KIRREL3: variants seen among roughly 807,000 people sequenced by gnomAD.
KIRREL3 encodes the protein kin of IRRE-like protein 3.
KIRREL3 carries 36 observed loss-of-function variants against 89.7 expected under a neutral mutation model. The ratio of observed to expected loss-of-function variants is 0.40; its 90% CI spans 0.31 to 0.53. KIRREL3 has a LOEUF of 0.53. KIRREL3 is among the 20% of genes least tolerant of loss of function. The probability of loss-of-function intolerance (pLI) is 0.49; values close to 1 mark genes in which losing one functional copy is unlikely to be tolerated. For missense variants in KIRREL3, 864 were observed against 1,056.6 expected, an observed-to-expected ratio of 0.82 and a Z score of 2.53; for synonymous variants, 445 against 441.4, an observed-to-expected ratio of 1.01 and a Z score of -0.10.
chr11:126,464,916 C>A (rs1014136544), intron 5 of KIRREL3, among the ~76,000 whole-genome samples: 1 of 152,186 alleles, frequency 6.6e-6, no homozygotes, highest in Non-Finnish European at 1.5e-5. Flanking sequence ...CCCACCTTCC[C>A]AGGTCATTGC....
Position 126,521,490 on chromosome 11 carries a change from G to A in KIRREL3, c.284-26C>T, listed in dbSNP as rs1185017601. The A allele has an allele frequency of 6.4e-6, 10 of 1,567,262 alleles. No individual in the cohort carries two copies. Among genetic ancestry groups the A allele is most frequent in the Non-Finnish European group, 8.6e-6 (10 of 1,156,312 alleles). Reference sequence around the variant, plus strand: ...CTGTGGAGACAACAGGCAGGTCAGGGAGCTGGGGTGGGGTGGAGGGGACAC... The same window carrying A: ...CTGTGGAGACAACAGGCAGGTCAGGAAGCTGGGGTGGGGTGGAGGGGACAC... On this transcript the variant is annotated intron_variant, in intron 3 of 16. Coordinates refer to ENST00000525144, the MANE Select transcript of KIRREL3 (RefSeq NM_032531.4). This position sits in a 1 kb window ranked among gnomAD's most constrained non-coding sequence, Gnocchi z 4.1.
chr11:126,915,165 C>G (rs1362852300), intron 1 of KIRREL3, among the ~76,000 whole-genome samples: 1 of 152,158 alleles, frequency 6.6e-6, no homozygotes, highest in Non-Finnish European at 1.5e-5. Flanking sequence ...GGAATCTTCC[C>G]TTCAGAATCT....
chr11:126,640,986 T>C lies in KIRREL3; in HGVS notation c.56-78074A>G, dbSNP rs10790818. On this transcript the variant is annotated intron_variant, in intron 1 of 16. Transcript: ENST00000525144. The surrounding 1 kb of genome is among the most constrained non-coding windows in gnomAD (Gnocchi z 4.9). The stretch of plus-strand genomic sequence containing the variant: ...GGACTCATCTATCCAATTGCCTAGT[T>C]CTCCCCTCCACTTGCAATGTGTAAC... 0.47 allele frequency among the ~76,000 whole-genome samples: 71,615 copies of C among 151,932 alleles called. 17,943 individuals are homozygous for C. Among genetic ancestry groups the C allele is most frequent in the East Asian group, 0.73 (3,740 of 5,154 alleles).
intron 1 of KIRREL3, among the ~76,000 whole-genome samples, chr11:126,974,134 AG>A (rs1949505437): frequency 1.3e-5 from 2 of 152,186 alleles, no homozygotes; most frequent in African/African-American, 4.8e-5. Flanking sequence ...CATCTCCACA[AG>A]TAAAACATTT....
In KIRREL3 at chr11:126,655,103, C is replaced by T. The variant is rs781283003; in HGVS notation, c.56-92191G>A. 1.5e-4 allele frequency among the ~76,000 whole-genome samples: 23 copies of T among 152,226 alleles called. No individual in the cohort carries two copies. The highest frequency in any genetic ancestry group is 2.6e-4 in the Non-Finnish European group (18 of 68,042). Reference sequence around the variant, plus strand: ...GTGGTGGAGCACATCTGTCTCTCTCCGTGTTGGTGGCTGTGATTTGGCAGC... The same window carrying T: ...GTGGTGGAGCACATCTGTCTCTCTCTGTGTTGGTGGCTGTGATTTGGCAGC... On this transcript the variant is annotated intron_variant, in intron 1 of 16. Coordinates refer to ENST00000525144, the MANE Select transcript of KIRREL3 (RefSeq NM_032531.4). This position sits in a 1 kb window ranked among gnomAD's most constrained non-coding sequence, Gnocchi z 5.0.
At chr11:126,928,135 A>G (rs1432111917) in intron 1 of KIRREL3, among the ~76,000 whole-genome samples, 1 of 152,204 alleles carries the variant, frequency 6.6e-6, no homozygotes, top group Admixed American at 6.5e-5. Context: ...ATGTATTTTT[A>G]AAAAGAGCCC....
In KIRREL3 at chr11:126,780,933, C is replaced by A. The variant is rs116273806; in HGVS notation, c.56-218021G>T. 7.5e-3 allele frequency among the ~76,000 whole-genome samples: 1,138 copies of A among 152,344 alleles called. 11 individuals carry two copies. The highest frequency in any genetic ancestry group is 0.025 in the South Asian group (119 of 4,832). On this transcript the variant is annotated intron_variant, in intron 1 of 16. Coordinates refer to ENST00000525144, the MANE Select transcript of KIRREL3 (RefSeq NM_032531.4). The surrounding 1 kb of genome is among the most constrained non-coding windows in gnomAD (Gnocchi z 5.3). ...TTATGGCTTAGTTTGTTATGAGTTT[C>A]AATCTATCATAGATGCTAAATAAAA...
intron 1 of KIRREL3, among the ~76,000 whole-genome samples, chr11:126,821,870 A>G (rs577406959): frequency 2.5e-4 from 38 of 152,298 alleles, no homozygotes; most frequent in Admixed American, 2.5e-3. Flanking sequence ...AGCCTCTGGA[A>G]GGTGGAAAAG....
rs1949931340 is a variant in KIRREL3, at chr11:126,768,891, T to C, written c.56-205979A>G. 6.6e-6 allele frequency among the ~76,000 whole-genome samples: 1 copy of C among 152,216 alleles called. No homozygotes were observed. Among genetic ancestry groups the C allele is most frequent in the Admixed American group, 6.5e-5 (1 of 15,286 alleles). ...CGAGAGCCATGGCAAGAAGGCGATG[T>C]TGCTTCCCACATGCGTGGGAGCCGG... On this transcript the variant is annotated intron_variant, in intron 1 of 16. Coordinates refer to ENST00000525144, the MANE Select transcript of KIRREL3 (RefSeq NM_032531.4). The surrounding 1 kb of genome is among the most constrained non-coding windows in gnomAD (Gnocchi z 4.5).
In KIRREL3 at chr11:126,562,549, C is replaced by T. The variant is rs755026467; in HGVS notation, c.133+286G>A. Among the ~76,000 whole-genome samples, 23 of 151,616 alleles carry T rather than the reference C, an allele frequency of 1.5e-4. No individual in the cohort carries two copies. Among genetic ancestry groups the T allele is most frequent in the Admixed American group, 4.6e-4 (7 of 15,238 alleles). On this transcript the variant is annotated intron_variant, in intron 2 of 16. Coordinates refer to ENST00000525144, the MANE Select transcript of KIRREL3 (RefSeq NM_032531.4). This position sits in a 1 kb window ranked among gnomAD's most constrained non-coding sequence, Gnocchi z 4.7. ...ATTGGGCTGGCTGTGGGGTGGGGTGCGGAAGAAATGGTAGGGAAGAGAGAG... is the reference window on the plus strand; with the variant it reads ...ATTGGGCTGGCTGTGGGGTGGGGTGTGGAAGAAATGGTAGGGAAGAGAGAG...
chr11:126,495,757 G>A lies in KIRREL3; in HGVS notation c.434-22291C>T, dbSNP rs149921007. Reference sequence around the variant, plus strand: ...GTGGGCACTCCCTGCCCTTCTCACCGCTCTCCTTGTAAAAGGCAGTGCTGT... The same window carrying A: ...GTGGGCACTCCCTGCCCTTCTCACCACTCTCCTTGTAAAAGGCAGTGCTGT... On this transcript the variant is annotated intron_variant, in intron 4 of 16. Coordinates refer to ENST00000525144, the MANE Select transcript of KIRREL3 (RefSeq NM_032531.4). The surrounding 1 kb of genome is among the most constrained non-coding windows in gnomAD (Gnocchi z 6.5). 6.6e-6 allele frequency among the ~76,000 whole-genome samples: 1 copy of A among 152,226 alleles called. No homozygotes were observed. Among genetic ancestry groups the A allele is most frequent in the Non-Finnish European group, 1.5e-5 (1 of 68,014 alleles).
intron 1 of KIRREL3, among the ~76,000 whole-genome samples, chr11:126,746,498 C>T (rs924417378): frequency 6.6e-6 from 1 of 152,040 alleles, no homozygotes; most frequent in Non-Finnish European, 1.5e-5. Context: ...AGATGACTTG[C>T]CAGACATCTC....
rs1338304759 is a variant in KIRREL3 at position 126,544,280 on chromosome 11, C to A, written c.134-17593G>T. The A allele has an allele frequency of 1.3e-5, 2 of 152,206 alleles. No homozygotes were observed. Among genetic ancestry groups the A allele is most frequent in the Non-Finnish European group, 2.9e-5 (2 of 68,054 alleles). The allele number at this position is 152,206 out of a possible 1,614,324, so 9.4% of individuals were successfully genotyped here. On this transcript the variant is annotated intron_variant, in intron 2 of 16. Transcript: ENST00000525144. The surrounding 1 kb of genome is among the most constrained non-coding windows in gnomAD (Gnocchi z 5.6). ...TGCTCAGAATTTACGGGGCAAATAC[C>A]ATTTAACTGCACAATAACTGCAGGT... is the stretch of plus-strand genomic sequence containing the variant.
In KIRREL3 at chr11:126,587,027, G is replaced by A. The variant is rs1209704477; in HGVS notation, c.56-24115C>T. On this transcript the variant is annotated intron_variant, in intron 1 of 16. Transcript: ENST00000525144. The surrounding 1 kb of genome is among the most constrained non-coding windows in gnomAD (Gnocchi z 5.2). ...TGGGGGCACAACTGTAAACCAGAGA[G>A]AGTCCCTGCCTCAGGGAGCTGGGAG... 6.6e-6 allele frequency among the ~76,000 whole-genome samples: 1 copy of A among 152,180 alleles called. No individual in the cohort carries two copies. Among genetic ancestry groups the A allele is most frequent in the Non-Finnish European group, 1.5e-5 (1 of 68,036 alleles).
intron 12 of KIRREL3, 78 bp from the exon 13 acceptor site, chr11:126,435,381 G>T: frequency 2.1e-6 from 3 of 1,462,968 alleles, no homozygotes; most frequent in Non-Finnish European, 2.9e-6. Context: ...TTAGCTGCTT[G>T]AGCGGGGCTG....
rs1565424162 is a variant in KIRREL3 at position 126,923,254 on chromosome 11, TCTTCTTCTTCTTCTC to T, written c.55+77186_55+77200del. ...TTCTTCTTCTTCTTCTTCTTCTTCT[TCTTCTTCTTCTTCTC>T]CTTCTCCTTCTCCTTCTCCTTCTCC... On this transcript the variant is annotated intron_variant, in intron 1 of 16. Transcript: ENST00000525144. 1.4e-3 allele frequency among the ~76,000 whole-genome samples: 138 copies of T among 95,206 alleles called. 14 individuals carry two copies. Among genetic ancestry groups the T allele is most frequent in the African/African-American group, 3.0e-3 (62 of 20,820 alleles). 62.5% of individuals were successfully genotyped at this position (95,206 alleles called of 152,430 possible).
intron 1 of KIRREL3, chr11:126,681,804 T>C (rs1456245749): frequency 4.6e-6 from 2 of 432,346 alleles, no homozygotes; most frequent in Admixed American, 5.2e-5. Flanking sequence ...GCTGAAAATA[T>C]TGGATCAGTA....
In KIRREL3 at chr11:126,578,182, AACAG is replaced by A. The variant is rs2134654169; in HGVS notation, c.56-15274_56-15271del. Among the ~76,000 whole-genome samples, 1 of 152,346 alleles carries A rather than the reference AACAG, an allele frequency of 6.6e-6. No homozygotes were observed. The highest frequency in any genetic ancestry group is 2.4e-5 in the African/African-American group (1 of 41,586). ...CTTCCACCCAACTACTGAGAAGTTT[AACAG>A]ACAATCTTTTCTTTTCCAAAATAAA... On this transcript the variant is annotated intron_variant, in intron 1 of 16. Coordinates refer to ENST00000525144, the MANE Select transcript of KIRREL3 (RefSeq NM_032531.4). The surrounding 1 kb of genome is among the most constrained non-coding windows in gnomAD (Gnocchi z 4.9).
intron 1 of KIRREL3, among the ~76,000 whole-genome samples, chr11:126,966,673 T>C (rs1392879966): frequency 6.6e-6 from 1 of 152,050 alleles, no homozygotes; most frequent in Admixed American, 6.6e-5. Flanking sequence ...GTGCTTTGAG[T>C]CTAGAGACAT....
Sources: allele counts gnomAD v4.1 joint callset (sites outside exome capture counted in the v4.1 genomes callset), GRCh38; gene constraint gnomAD v4.1.1; non-coding constraint Gnocchi (gnomAD v3.1); transcripts MANE v1.5; gene names NCBI Gene and HGNC (gene_info 2026-07-23, HGNC 2026-07-21).